Variants in CELF2 observed in about 807,000 individuals in gnomAD.
CELF2 encodes CUG triplet repeat RNA-binding protein 2.
A neutral mutation model predicts 62.6 loss-of-function variants in CELF2; 8 were observed. The ratio of observed to expected loss-of-function variants is 0.13; its 90% CI spans 0.07 to 0.23. CELF2 has a LOEUF of 0.23. Among genes scored for constraint, CELF2 ranks in the 10% least tolerant of loss-of-function variants. The pLI, the probability that CELF2 is intolerant of heterozygous loss-of-function variation, is 1.00. For synonymous variants in CELF2, 258 were observed against 250.0 expected (o/e 1.03, Z -0.30); for missense variants, 333 against 671.0 (o/e 0.50, Z 5.56).
the CELF2 span, among the ~76,000 whole-genome samples, chr10:10,555,640 T>C: frequency 6.6e-6 from 1 of 152,230 alleles, no homozygotes; most frequent in Admixed American, 6.5e-5. Context: ...GCTACATTTT[T>C]TGGTATATTG....
At chr10:11,303,357 G>A (rs1173800656) in intron 9 of CELF2, among the ~76,000 whole-genome samples, 1 of 152,060 alleles carries the variant, frequency 6.6e-6, no homozygotes, top group Non-Finnish European at 1.5e-5. Context: ...CCCAATGACT[G>A]GACTAATGAG....
intron 2 of CELF2, among the ~76,000 whole-genome samples, chr10:11,181,161 T>C (rs1208450234): frequency 6.6e-6 from 1 of 152,202 alleles, no homozygotes; most frequent in East Asian, 1.9e-4. Flanking sequence ...TAAGCCAACA[T>C]TCCTGGCCCA....
At chr10:11,018,448 C>G (rs1299714170) in intron 1 of CELF2, among the ~76,000 whole-genome samples, 1 of 148,320 alleles carries the variant, frequency 6.7e-6, no homozygotes, top group African/African-American at 2.5e-5. Flanking sequence ...ACCAGCGGGC[C>G]GAGCGCGGCG....
chr10:10,853,388 G>A (rs2059509348), intron 1 of CELF2, among the ~76,000 whole-genome samples: 1 of 152,122 alleles, frequency 6.6e-6, no homozygotes, highest in African/African-American at 2.4e-5. Flanking sequence ...GGCAGGTAGG[G>A]GGGCAGTTGG....
chr10:11,022,804 G>T (rs1330621805), intron 1 of CELF2, among the ~76,000 whole-genome samples: 2 of 152,130 alleles, frequency 1.3e-5, no homozygotes, highest in Non-Finnish European at 2.9e-5. Flanking sequence ...AGCGATCATT[G>T]TTGAGACTTA....
intron 9 of CELF2, 141 bp downstream of exon 9, chr10:11,288,693 G>C: frequency 1.1e-6 from 1 of 911,350 alleles, no homozygotes; most frequent in Non-Finnish European, 1.6e-6. Flanking sequence ...TATGTCATTG[G>C]GTTATTTTAT....
rs182965375 is a variant in CELF2 at position 11,287,781 on chromosome 10, G to A, written c.842-637G>A. On this transcript the variant is annotated intron_variant, in intron 8 of 12. Coordinates refer to ENST00000633077, the MANE Select transcript of CELF2 (RefSeq NM_001326342.2). ...ACATTCATTGAGCTCTTAACGTTGTGCCAAAGTAATTTGCTTTCATCATCT... is the reference window on the plus strand; with the variant it reads ...ACATTCATTGAGCTCTTAACGTTGTACCAAAGTAATTTGCTTTCATCATCT... Among the ~76,000 whole-genome samples the A allele has an allele frequency of 1.4e-4, 21 of 152,296 alleles. No individual in the cohort carries two copies. In the East Asian group the frequency reaches 2.9e-3, roughly 21 times the overall value.
the CELF2 span, among the ~76,000 whole-genome samples, chr10:10,539,013 C>G: frequency 6.6e-6 from 1 of 152,214 alleles, no homozygotes; most frequent in Non-Finnish European, 1.5e-5. Flanking sequence ...ACTTCTTAGT[C>G]GTCAGATGGC....
At position 11,075,477 on chromosome 10, in the gene CELF2, A is replaced by T. The variant is rs1219091355; in HGVS notation, c.74+57314A>T. ...CATGTACGATGTGATAAAGTTTGTGAGATGGTAATTGGATTCCCAAAACCG... is the reference window on the plus strand; with the variant it reads ...CATGTACGATGTGATAAAGTTTGTGTGATGGTAATTGGATTCCCAAAACCG... On this transcript the variant is annotated intron_variant, in intron 1 of 12. Transcript: ENST00000633077. This position sits in a 1 kb window ranked among gnomAD's most constrained non-coding sequence, Gnocchi z 5.4. 1 of 152,194 alleles carries T rather than the reference A, an allele frequency of 6.6e-6. No homozygotes were observed. The highest frequency in any genetic ancestry group is 1.5e-5 in the Non-Finnish European group (1 of 68,038). The allele number at this position is 152,194 out of a possible 1,614,324, so 9.4% of individuals were successfully genotyped here.
the CELF2 span, among the ~76,000 whole-genome samples, chr10:10,782,225 C>G: frequency 6.6e-6 from 1 of 152,124 alleles, no homozygotes; most frequent in African/African-American, 2.4e-5. Flanking sequence ...AGAAAAGTCC[C>G]AAGATCTGCC....
In CELF2 at chr10:11,054,734, C is replaced by T. The variant is rs571409443; in HGVS notation, c.74+36571C>T. Among the ~76,000 whole-genome samples the T allele has an allele frequency of 4.9e-3, 747 of 152,048 alleles. 7 individuals carry two copies. The highest frequency in any genetic ancestry group is 0.018 in the African/African-American group (727 of 41,480). ...GACTTTCTTTTCTAGTGGTTTTTTT[C>T]TTTGGAGTCTTGCTCTGTCACCAAG... On this transcript the variant is annotated intron_variant, in intron 1 of 12. Coordinates refer to ENST00000633077, the MANE Select transcript of CELF2 (RefSeq NM_001326342.2).
chr10:10,507,613 A>G, the CELF2 span, among the ~76,000 whole-genome samples: 6 of 152,218 alleles, frequency 3.9e-5, no homozygotes, highest in African/African-American at 1.4e-4. Flanking sequence ...TTTCCAAATA[A>G]GCACATCCTC....
chr10:11,034,911 G>T (rs10795843), intron 1 of CELF2, among the ~76,000 whole-genome samples: 59,699 of 151,886 alleles, frequency 0.39, 12,329 homozygotes, highest in East Asian at 0.77. Context: ...ATTGACATTC[G>T]AGATCCAACC....
the CELF2 span, among the ~76,000 whole-genome samples, chr10:10,657,515 T>G: frequency 6.6e-6 from 1 of 152,174 alleles, no homozygotes; most frequent in Non-Finnish European, 1.5e-5. Context: ...GCTGTTTTCT[T>G]TTTAAGTTAC....
chr10:10,581,768 G>A, the CELF2 span, among the ~76,000 whole-genome samples: 41,312 of 152,000 alleles, frequency 0.27, 5,795 homozygotes, highest in South Asian at 0.41. Context: ...GGTGGTTCAC[G>A]CCTGTAATCC....
chr10:11,242,657 T>A lies in CELF2; in HGVS notation c.355-6496T>A, dbSNP rs932802240. Among the ~76,000 whole-genome samples, 1 of 152,214 alleles carries A rather than the reference T, an allele frequency of 6.6e-6. No homozygotes were observed. Among genetic ancestry groups the A allele is most frequent in the Non-Finnish European group, 1.5e-5 (1 of 68,036 alleles). Reference sequence around the variant, plus strand: ...CCAAAGTCGTACTCTCATTTTCATTTTCATGAGTCACAGCTGGGGCCTTGT... The same window carrying A: ...CCAAAGTCGTACTCTCATTTTCATTATCATGAGTCACAGCTGGGGCCTTGT... On this transcript the variant is annotated intron_variant, in intron 3 of 12. Transcript: ENST00000633077. The surrounding 1 kb of genome is among the most constrained non-coding windows in gnomAD (Gnocchi z 4.8).
the CELF2 span, among the ~76,000 whole-genome samples, chr10:10,675,028 A>G: frequency 6.6e-6 from 1 of 152,218 alleles, no homozygotes; most frequent in Non-Finnish European, 1.5e-5. Context: ...GTTACCTGTT[A>G]GATAAAAAAA....
chr10:10,678,422 G>T, the CELF2 span, among the ~76,000 whole-genome samples: 1 of 152,082 alleles, frequency 6.6e-6, no homozygotes. Context: ...TTTGCAGCTG[G>T]TCTTTGCTAC....
At chr10:10,964,127 C>G (rs1399674563) in intron 2 of CELF2, among the ~76,000 whole-genome samples, 1 of 152,182 alleles carries the variant, frequency 6.6e-6, no homozygotes, top group Non-Finnish European at 1.5e-5. Flanking sequence ...TAAGATAACA[C>G]TATTTTGCAA....
Sources: allele counts gnomAD v4.1 joint callset (sites outside exome capture counted in the v4.1 genomes callset), GRCh38; gene constraint gnomAD v4.1.1; non-coding constraint Gnocchi (gnomAD v3.1); transcripts MANE v1.5; gene names NCBI Gene and HGNC (gene_info 2026-07-23, HGNC 2026-07-21).